CTNNA1: variants seen among roughly 807,000 people sequenced by gnomAD.
The protein encoded by CTNNA1 is catenin alpha-1.
A neutral mutation model predicts 98.4 loss-of-function variants in CTNNA1; 37 were observed. The ratio of observed to expected loss-of-function variants is 0.38; its 90% confidence interval spans 0.29 to 0.49. CTNNA1 has a LOEUF of 0.49. Ranked by LOEUF, CTNNA1 falls within the 20% of genes least tolerant of loss-of-function variation. CTNNA1 has a pLI of 0.95. For synonymous variants in CTNNA1, 404 were observed against 413.2 expected (o/e 0.98, Z 0.27); for missense variants, 761 against 1,147.2 (o/e 0.66, Z 4.86).
intron 7 of CTNNA1, among the ~76,000 whole-genome samples, chr5:138,865,834 A>C (rs1764701869): frequency 6.6e-6 from 1 of 152,110 alleles, no homozygotes; most frequent in Non-Finnish European, 1.5e-5. Flanking sequence ...TTTTATTCTA[A>C]GTTTCCTTGA....
intron 7 of CTNNA1, among the ~76,000 whole-genome samples, chr5:138,881,468 T>G (rs148303659): frequency 6.6e-6 from 1 of 152,198 alleles, no homozygotes; most frequent in East Asian, 1.9e-4. Flanking sequence ...CACAGCAAGC[T>G]TTTTAGCCCT....
At chr5:138,892,976 G>A (rs931964808) in intron 9 of CTNNA1, among the ~76,000 whole-genome samples, 9 of 152,090 alleles carry the variant, frequency 5.9e-5, no homozygotes, top group East Asian at 1.9e-4. Flanking sequence ...AGATCGCGCC[G>A]CTGCTCTCTA....
intron 7 of CTNNA1, among the ~76,000 whole-genome samples, chr5:138,851,427 T>C (rs541389863): frequency 2.6e-5 from 4 of 152,122 alleles, no homozygotes; most frequent in Non-Finnish European, 5.9e-5. Flanking sequence ...TAGGTGATTT[T>C]AGTCTCTAAG....
At chr5:138,931,562 C>T in intron 16 of CTNNA1, 1 of 979,350 alleles carries the variant, frequency 1.0e-6, no homozygotes, top group Non-Finnish European at 1.2e-6. Flanking sequence ...GCATCCTTGA[C>T]TCCCACACAA....
chr5:138,759,805 A>T (rs143287300), intron 1 of CTNNA1, among the ~76,000 whole-genome samples: 1 of 152,082 alleles, frequency 6.6e-6, no homozygotes, highest in East Asian at 1.9e-4. Flanking sequence ...AATTGACTGA[A>T]ATTAACCCAA....
intron 1 of CTNNA1, among the ~76,000 whole-genome samples, chr5:138,759,181 CTT>C (rs972583946): frequency 1.3e-5 from 2 of 151,966 alleles, no homozygotes; most frequent in African/African-American, 4.8e-5. Flanking sequence ...TGACCTGGGA[CTT>C]TTTAATTTTT....
chr5:138,925,988 GCTCT>G (rs1448694944), intron 13 of CTNNA1, among the ~76,000 whole-genome samples: 2 of 152,168 alleles, frequency 1.3e-5, no homozygotes, highest in Non-Finnish European at 2.9e-5. Flanking sequence ...ATACCGTCCT[GCTCT>G]CTGACAACTA....
chr5:138,855,391 A>G (rs1166934588), intron 7 of CTNNA1, among the ~76,000 whole-genome samples: 1 of 152,194 alleles, frequency 6.6e-6, no homozygotes, highest in Non-Finnish European at 1.5e-5. Flanking sequence ...TGTTTTTTCT[A>G]TGTATAGATA....
At chr5:138,757,063 A>G (rs1340995889) in intron 1 of CTNNA1, among the ~76,000 whole-genome samples, 19 of 150,548 alleles carry the variant, frequency 1.3e-4, no homozygotes, top group Non-Finnish European at 1.5e-5. Context: ...AGGCATGGTG[A>G]CACGCTCTGT....
chr5:138,864,324 T>C (rs1206030492), intron 7 of CTNNA1, among the ~76,000 whole-genome samples: 1 of 152,172 alleles, frequency 6.6e-6, no homozygotes, highest in Non-Finnish European at 1.5e-5. Context: ...ATGTTGCTTA[T>C]AGAAGCAATT....
At chr5:138,845,870 A>T (rs1314328228) in intron 7 of CTNNA1, among the ~76,000 whole-genome samples, 1 of 152,138 alleles carries the variant, frequency 6.6e-6, no homozygotes. Context: ...TTAAATATTC[A>T]CATATAGATA....
At chr5:138,799,241 ACCT>A (rs933379177) in intron 3 of CTNNA1, among the ~76,000 whole-genome samples, 2 of 151,898 alleles carry the variant, frequency 1.3e-5, no homozygotes, top group African/African-American at 4.8e-5. Context: ...GTTCACTGCA[ACCT>A]CTGCCTTCCG....
At chr5:138,811,322 G>A (rs1300365334) in intron 4 of CTNNA1, among the ~76,000 whole-genome samples, 23 of 139,860 alleles carry the variant, frequency 1.6e-4, no homozygotes, top group South Asian at 7.5e-4. Flanking sequence ...GACGATGGGC[G>A]GCCGGGCAGA....
chr5:138,829,077 G>T (rs59791647), intron 7 of CTNNA1, among the ~76,000 whole-genome samples: 3,479 of 152,214 alleles, frequency 0.023, 134 homozygotes, highest in African/African-American at 0.081. Flanking sequence ...AACCATGGTC[G>T]CGCCACTGTG....
intron 3 of CTNNA1, among the ~76,000 whole-genome samples, chr5:138,796,357 C>G (rs770946934): frequency 2.7e-5 from 4 of 150,250 alleles, no homozygotes; most frequent in African/African-American, 7.3e-5. Flanking sequence ...GAGATCGAGA[C>G]CACGGTGAAA....
chr5:138,861,874 G>A (rs536294561), intron 7 of CTNNA1, among the ~76,000 whole-genome samples: 1 of 151,794 alleles, frequency 6.6e-6, no homozygotes, highest in South Asian at 2.1e-4. Flanking sequence ...GTAGCTGATA[G>A]GCACTTAGTT....
chr5:138,848,523 A>G (rs1561589533), intron 7 of CTNNA1, among the ~76,000 whole-genome samples: 1 of 152,072 alleles, frequency 6.6e-6, no homozygotes, highest in East Asian at 1.9e-4. Flanking sequence ...TTTTACAGTC[A>G]TGGTCAAATA....
chr5:138,920,642 T>TG (rs1230508334), intron 11 of CTNNA1, among the ~76,000 whole-genome samples: 1 of 152,260 alleles, frequency 6.6e-6, no homozygotes, highest in Non-Finnish European at 1.5e-5. Context: ...TGAGGCCCTT[T>TG]GGTACAGAGT....
intron 7 of CTNNA1, among the ~76,000 whole-genome samples, chr5:138,835,666 G>A (rs1761706576): frequency 6.6e-6 from 1 of 151,854 alleles, no homozygotes; most frequent in African/African-American, 2.4e-5. Flanking sequence ...TATGTTTAAG[G>A]TATACAAGGT....
Sources: allele counts gnomAD v4.1 joint callset (sites outside exome capture counted in the v4.1 genomes callset), GRCh38; gene constraint gnomAD v4.1.1; transcripts MANE v1.5; gene names NCBI Gene and HGNC (gene_info 2026-07-23, HGNC 2026-07-21).